TENM2: variants seen among roughly 807,000 people sequenced by gnomAD.
TENM2 encodes the protein teneurin transmembrane protein 2, also known as teneurin-2.
In TENM2, 52 loss-of-function variants were observed where a neutral mutation model predicts 245.2. The observed-to-expected ratio is 0.21, with a 90% CI of 0.17 to 0.27. TENM2 has a LOEUF of 0.27. Among genes scored for constraint, TENM2 ranks in the 10% least tolerant of loss-of-function variants. The pLI is 1.00. For synonymous variants in TENM2, 1,363 were observed against 1,438.9 expected, an observed-to-expected ratio of 0.95 and a Z score of 1.19; for missense variants, 3,046 against 3,666.8, an observed-to-expected ratio of 0.83 and a Z score of 4.37.
In TENM2 at chr5:168,218,839, C is replaced by T. The variant is rs1309130713; in HGVS notation, c.4948C>T (p.Leu1650Phe). 3.1e-6 allele frequency: 5 copies of T among 1,613,880 alleles called. No homozygotes were observed. The Admixed American group carries it at 8.3e-5, about 27-fold the overall frequency. ...CAGCAGTGGCATGCCCCGTCACCTG[C>T]TCATGCCTGACAACCAGATCATCAC... is the stretch of plus-strand genomic sequence containing the variant. The change falls in exon 23 of 29, where the codon CTC becomes TTC. Residue 1650 changes from leucine to phenylalanine, a missense_variant. Physicochemically the swap from Leu to Phe is conservative, Grantham distance 22 (BLOSUM62 0). Around this residue, in one of 2 missense-constraint regions of TENM2, gnomAD observed 2,704 missense variants for 3,331.9 expected, o/e 0.81. Coordinates refer to ENST00000518659, the Ensembl canonical transcript of TENM2. This position sits in a 1 kb window ranked among gnomAD's most constrained non-coding sequence, Gnocchi z 5.2.
At chr5:167,781,058 C>A (rs1764156835) in intron 2 of TENM2, among the ~76,000 whole-genome samples, 1 of 152,172 alleles carries the variant, frequency 6.6e-6, no homozygotes, top group African/African-American at 2.4e-5. Context: ...CGCTTGTAAT[C>A]CAAGCACTTT....
At chr5:167,201,481 A>G in the TENM2 span, among the ~76,000 whole-genome samples, 1 of 152,206 alleles carries the variant, frequency 6.6e-6, no homozygotes, top group East Asian at 1.9e-4. Flanking sequence ...AAAATCACAG[A>G]TCTTCAAGAA....
chr5:168,247,403 A>T lies in TENM2; in HGVS notation c.6464A>T (p.Asp2155Val). The stretch of plus-strand genomic sequence containing the variant: ...GTGATGACCCTCAGCAAACACTTCG[A>T]CACCCATGGGCGGATCAAGGAGGTC... Residue 2155 changes from aspartate to valine, a missense_variant, in exon 27 of 29, where the codon GAC becomes GTC. By Grantham distance (152) the Asp-to-Val change is radical. This residue lies in a region of TENM2 where 2,704 missense variants were observed against 3,331.9 expected (regional missense o/e 0.81). Transcript: ENST00000518659. The surrounding 1 kb of genome is among the most constrained non-coding windows in gnomAD (Gnocchi z 7.8). The T allele has an allele frequency of 6.2e-7, 1 of 1,613,938 alleles. No homozygotes were observed. The highest frequency in any genetic ancestry group is 8.5e-7 in the Non-Finnish European group (1 of 1,179,898).
chr5:167,721,699 C>G (rs139902073), intron 2 of TENM2, among the ~76,000 whole-genome samples: 1 of 152,254 alleles, frequency 6.6e-6, no homozygotes, highest in African/African-American at 2.4e-5. Context: ...AAAATATTCT[C>G]CCCACCTCAG....
intron 1 of TENM2, among the ~76,000 whole-genome samples, chr5:167,326,959 T>G (rs1020901043): frequency 5.9e-5 from 9 of 151,990 alleles, no homozygotes; most frequent in African/African-American, 2.2e-4. Context: ...TGAAATAAAT[T>G]CTGTATTGGA....
At chr5:167,314,835 A>G (rs1241022009) in intron 1 of TENM2, among the ~76,000 whole-genome samples, 2 of 152,116 alleles carry the variant, frequency 1.3e-5, no homozygotes, top group African/African-American at 4.8e-5. Context: ...ACAAATTAAT[A>G]GTTTTCATTT....
intron 2 of TENM2, among the ~76,000 whole-genome samples, chr5:167,786,909 A>G (rs756547274): frequency 2.6e-5 from 4 of 152,244 alleles, no homozygotes; most frequent in African/African-American, 7.2e-5. Flanking sequence ...AACCCGTTAT[A>G]GAATTCTAGG....
At chr5:168,157,150 A>G (rs1445386414) in intron 12 of TENM2, among the ~76,000 whole-genome samples, 1 of 152,154 alleles carries the variant, frequency 6.6e-6, no homozygotes, top group Non-Finnish European at 1.5e-5. Context: ...TGAGCTTGGG[A>G]GCTTTGGAAA....
intron 2 of TENM2, among the ~76,000 whole-genome samples, chr5:167,466,041 G>A (rs191789047): frequency 1.3e-5 from 2 of 151,994 alleles, no homozygotes; most frequent in Non-Finnish European, 2.9e-5. Flanking sequence ...CTGACTTCAG[G>A]TTTAGACTTC....
downstream of TENM2, chr5:168,263,011 C>T (rs1487467556): frequency 2.5e-5 from 13 of 514,746 alleles, no homozygotes; most frequent in African/African-American, 3.8e-5. Context: ...GACTAAAGCC[C>T]GGCTGAAAAT....
chr5:167,249,042 G>A, the TENM2 span, among the ~76,000 whole-genome samples: 3 of 152,068 alleles, frequency 2.0e-5, no homozygotes. Flanking sequence ...CTATGTCTAG[G>A]CAGCTTATAC....
rs5873049 is a variant in TENM2, at chr5:167,609,488, C to CAAAAAAAAAAAAAAA, written c.502+234025_502+234039dup. Among the ~76,000 whole-genome samples the CAAAAAAAAAAAAAAA allele has an allele frequency of 1.6e-4, 6 of 36,692 alleles. 1 individual carries two copies. The highest frequency in any genetic ancestry group is 3.0e-4 in the African/African-American group (3 of 10,164). 24.1% of individuals were successfully genotyped at this position (36,692 alleles called of 152,430 possible). ...TGCCTTTTTTCTTTGCCTGATGATGCAAAAAAAAAAAAAAAAAAAAAAAAC... is the reference window on the plus strand; with the variant it reads ...TGCCTTTTTTCTTTGCCTGATGATGCAAAAAAAAAAAAAAAAAAAAAAAAAAAAAAAAAAAAAAAC... On this transcript the variant is annotated intron_variant, in intron 2 of 28. Transcript: ENST00000518659.
At chr5:168,036,749 A>C (rs1787744214) in intron 5 of TENM2, among the ~76,000 whole-genome samples, 1 of 148,084 alleles carries the variant, frequency 6.8e-6, no homozygotes, top group African/African-American at 2.5e-5. Context: ...GTGTATATAT[A>C]TATGTATGTG....
At chr5:168,238,157 AAGAGAGAGAGAG>A (rs1164402441) in intron 25 of TENM2, among the ~76,000 whole-genome samples, 4 of 69,906 alleles carry the variant, frequency 5.7e-5, no homozygotes, top group Admixed American at 5.6e-4. Context: ...GAAAGAAAGA[AAGAGAGAGAGAG>A]AGAGAGAGAG....
Position 167,604,907 on chromosome 5 carries a change from A to G in TENM2, c.502+229434A>G, listed in dbSNP as rs116807923. ...ATGGAATGATTGATTCTACTTGGACAGATTAAGAAAGATTTCACACAGCCA... is the reference window on the plus strand; with the variant it reads ...ATGGAATGATTGATTCTACTTGGACGGATTAAGAAAGATTTCACACAGCCA... On this transcript the variant is annotated intron_variant, in intron 2 of 28. Coordinates refer to ENST00000518659, the Ensembl canonical transcript of TENM2. 8.1e-4 allele frequency among the ~76,000 whole-genome samples: 124 copies of G among 152,330 alleles called. 1 individual carries two copies. The highest frequency in any genetic ancestry group is 1.4e-3 in the Non-Finnish European group (93 of 68,026).
chr5:168,204,621 G>A (rs754860654), exon 19 of TENM2: 17 of 1,612,668 alleles, frequency 1.1e-5, no homozygotes, highest in East Asian at 2.2e-5. Flanking sequence ...TTGGAGTTAC[G>A]GTAAATGGCC....
chr5:167,438,155 C>G (rs1044569179), intron 2 of TENM2, among the ~76,000 whole-genome samples: 32 of 152,302 alleles, frequency 2.1e-4, no homozygotes, highest in Non-Finnish European at 3.1e-4. Context: ...ATCCATCTTT[C>G]CGACTTTAGT....
At chr5:168,174,270 G>A (rs1374544563) in intron 13 of TENM2, among the ~76,000 whole-genome samples, 1 of 152,146 alleles carries the variant, frequency 6.6e-6, no homozygotes, top group African/African-American at 2.4e-5. Context: ...AGACAGCCTG[G>A]CAGGGTAGTC....
intron 6 of TENM2, among the ~76,000 whole-genome samples, chr5:168,050,745 T>C (rs559407945): frequency 4.4e-4 from 67 of 152,336 alleles, no homozygotes; most frequent in African/African-American, 1.6e-3. Context: ...CTCTGATATG[T>C]TGGTGGAAAC....
Sources: allele counts gnomAD v4.1 joint callset (sites outside exome capture counted in the v4.1 genomes callset), GRCh38; gene constraint gnomAD v4.1.1; regional missense constraint gnomAD v4.1.1; non-coding constraint Gnocchi (gnomAD v3.1); transcripts MANE v1.5; gene names NCBI Gene and HGNC (gene_info 2026-07-23, HGNC 2026-07-21).